Variants in SLC2A13 observed in about 807,000 individuals in gnomAD.
The protein encoded by SLC2A13 is solute carrier family 2 member 13, also known as proton myo-inositol cotransporter.
In SLC2A13, 32 loss-of-function variants were observed where a neutral mutation model predicts 64.4. The ratio of observed to expected loss-of-function variants is 0.50; its 90% CI spans 0.37 to 0.67. The LOEUF (loss-of-function observed/expected upper bound fraction) is 0.67. Among genes scored for constraint, SLC2A13 ranks in the 30% least tolerant of loss-of-function variants. The pLI is 0.00. For synonymous variants in SLC2A13, 338 were observed against 327.1 expected (o/e 1.03, Z -0.36); for missense variants, 743 against 829.2 (o/e 0.90, Z 1.28).
chr12:39,943,980 T>A (rs1358893298), intron 4 of SLC2A13, among the ~76,000 whole-genome samples: 1 of 151,014 alleles, frequency 6.6e-6, no homozygotes, highest in Non-Finnish European at 1.5e-5. Context: ...ATGTAGGCAT[T>A]TAGGGCTATG....
intron 1 of SLC2A13, among the ~76,000 whole-genome samples, chr12:40,064,314 C>G (rs1948475846): frequency 6.6e-6 from 1 of 152,014 alleles, no homozygotes; most frequent in Non-Finnish European, 1.5e-5. Context: ...CTCACGCATA[C>G]ATACACACAT....
chr12:40,019,612 G>A (rs1254580288), intron 3 of SLC2A13, among the ~76,000 whole-genome samples: 1 of 152,180 alleles, frequency 6.6e-6, no homozygotes, highest in Non-Finnish European at 1.5e-5. Flanking sequence ...TTCTATAGAT[G>A]TGCTTGTAAC....
intron 4 of SLC2A13, among the ~76,000 whole-genome samples, chr12:39,934,445 A>G (rs1945884356): frequency 6.6e-6 from 1 of 152,242 alleles, no homozygotes; most frequent in Non-Finnish European, 1.5e-5. Context: ...GGAACGGGAG[A>G]GGACCTACAT....
At chr12:39,838,518 A>G (rs1943087941) in intron 6 of SLC2A13, among the ~76,000 whole-genome samples, 1 of 151,514 alleles carries the variant, frequency 6.6e-6, no homozygotes, top group Non-Finnish European at 1.5e-5. Context: ...AAAAAAAAAA[A>G]AAGAAAGGGA....
At chr12:39,835,836 G>A (rs1942989329) in intron 6 of SLC2A13, 1 of 152,006 alleles carries the variant, frequency 6.6e-6, no homozygotes, top group South Asian at 2.1e-4. Flanking sequence ...ATAATTTTAG[G>A]GGGTAGATGA....
At chr12:40,086,814 C>T (rs1336769681) in intron 1 of SLC2A13, among the ~76,000 whole-genome samples, 3 of 152,212 alleles carry the variant, frequency 2.0e-5, no homozygotes, top group African/African-American at 7.2e-5. Context: ...GGACCTAATA[C>T]TGCAGTATGT....
At chr12:39,843,818 T>C (rs1166679213) in intron 6 of SLC2A13, among the ~76,000 whole-genome samples, 2 of 152,042 alleles carry the variant, frequency 1.3e-5, no homozygotes, top group African/African-American at 4.8e-5. Context: ...TTTTTAATAT[T>C]AGTAATGCCT....
At chr12:39,914,861 C>T (rs1246559168) in intron 4 of SLC2A13, among the ~76,000 whole-genome samples, 2 of 151,744 alleles carry the variant, frequency 1.3e-5, no homozygotes, top group Admixed American at 6.6e-5. Flanking sequence ...AGGAAATGTA[C>T]AAAAGTATCT....
intron 4 of SLC2A13, among the ~76,000 whole-genome samples, chr12:39,944,982 C>G (rs1032594547): frequency 2.0e-5 from 3 of 152,034 alleles, no homozygotes; most frequent in Non-Finnish European, 4.4e-5. Flanking sequence ...TAAAGAGTTT[C>G]TGTTTTGAGG....
chr12:39,860,266 C>T (rs1375580310), intron 6 of SLC2A13, among the ~76,000 whole-genome samples: 1 of 152,190 alleles, frequency 6.6e-6, no homozygotes, highest in African/African-American at 2.4e-5. Context: ...AATTAGGTTA[C>T]ATTTAAGGCC....
intron 7 of SLC2A13, among the ~76,000 whole-genome samples, chr12:39,774,415 T>C (rs1940696245): frequency 6.6e-6 from 1 of 152,304 alleles, no homozygotes; most frequent in African/African-American, 2.4e-5. Flanking sequence ...ATATTTCCTA[T>C]TTAATAATCT....
intron 4 of SLC2A13, chr12:39,950,712 G>A (rs1946211688): frequency 2.6e-5 from 4 of 152,288 alleles, no homozygotes; most frequent in African/African-American, 9.7e-5. Context: ...CACACATACA[G>A]CTTTGGGAAT....
intron 5 of SLC2A13, among the ~76,000 whole-genome samples, chr12:39,870,005 C>T (rs1944002034): frequency 6.6e-6 from 1 of 152,162 alleles, no homozygotes; most frequent in Non-Finnish European, 1.5e-5. Flanking sequence ...CCCAAAGTCA[C>T]ACTATTCAAA....
At chr12:39,807,249 G>C (rs1942008486) in intron 7 of SLC2A13, among the ~76,000 whole-genome samples, 1 of 152,148 alleles carries the variant, frequency 6.6e-6, no homozygotes, top group African/African-American at 2.4e-5. Flanking sequence ...ACCACCACTA[G>C]GGATCCCTGT....
intron 4 of SLC2A13, among the ~76,000 whole-genome samples, chr12:39,947,655 T>C (rs1196112592): frequency 6.7e-6 from 1 of 149,906 alleles, no homozygotes; most frequent in Non-Finnish European, 1.5e-5. Context: ...ACAGTGAGAA[T>C]TTCTTTTTTT....
At chr12:39,968,806 A>ATATATATC (rs1565567393) in intron 3 of SLC2A13, among the ~76,000 whole-genome samples, 1 of 105,552 alleles carries the variant, frequency 9.5e-6, no homozygotes, top group Non-Finnish European at 1.9e-5. Flanking sequence ...ATATATATAT[A>ATATATATC]TCTACATTAT....
intron 1 of SLC2A13, among the ~76,000 whole-genome samples, chr12:40,055,500 G>A (rs985111119): frequency 6.6e-6 from 1 of 152,164 alleles, no homozygotes; most frequent in African/African-American, 2.4e-5. Flanking sequence ...GCCTGTTAAT[G>A]GAATGATCAG....
In SLC2A13 at chr12:39,867,402, G is replaced by A. The variant is rs558853930; in HGVS notation, c.1199-2520C>T. ...GCATATAAAGATTCAAATAAATATT[G>A]GTTGAATGGATGGGCCACCATACTA... On this transcript the variant is annotated intron_variant, in intron 5 of 9. Coordinates refer to ENST00000280871, the MANE Select transcript of SLC2A13 (RefSeq NM_052885.4). Among the ~76,000 whole-genome samples, 5 of 152,010 alleles carry A rather than the reference G, an allele frequency of 3.3e-5. No individual in the cohort carries two copies. In the East Asian group the frequency reaches 7.7e-4, roughly 24 times the overall value.
intron 3 of SLC2A13, among the ~76,000 whole-genome samples, chr12:39,961,257 T>G (rs1401637472): frequency 1.3e-5 from 2 of 151,578 alleles, no homozygotes; most frequent in Admixed American, 6.6e-5. Flanking sequence ...TTTTATAATT[T>G]TGGTAGAGAT....
Sources: allele counts gnomAD v4.1 joint callset (sites outside exome capture counted in the v4.1 genomes callset), GRCh38; gene constraint gnomAD v4.1.1; transcripts MANE v1.5; gene names NCBI Gene and HGNC (gene_info 2026-07-23, HGNC 2026-07-21).